BMP6: variants seen among roughly 807,000 people sequenced by gnomAD.
The protein encoded by BMP6 is VG-1-R.
Under a neutral mutation model 54.1 loss-of-function variants are expected in BMP6, and 17 were observed. That is an observed-to-expected ratio of 0.31 (90% CI 0.22 to 0.47). The LOEUF (loss-of-function observed/expected upper bound fraction) is 0.47. Among genes scored for constraint, BMP6 ranks in the 20% least tolerant of loss-of-function variants. BMP6 has a pLI of 1.00. For synonymous variants in BMP6, 328 were observed against 291.2 expected (o/e 1.13, Z -1.28); for missense variants, 720 against 690.4 (o/e 1.04, Z -0.48).
chr6:7,856,502 T>C (rs551067010), intron 2 of BMP6, among the ~76,000 whole-genome samples: 31 of 151,850 alleles, frequency 2.0e-4, no homozygotes, highest in African/African-American at 7.5e-4. Flanking sequence ...GAATGTGTTA[T>C]GGAGAAATAA....
chr6:7,836,104 C>T (rs1446603728), intron 1 of BMP6, among the ~76,000 whole-genome samples: 1 of 152,134 alleles, frequency 6.6e-6, no homozygotes, highest in Admixed American at 6.5e-5. Context: ...TCCCAAAGTG[C>T]TGGAATTACC....
At chr6:7,793,525 G>A (rs1174894597) in intron 1 of BMP6, among the ~76,000 whole-genome samples, 1 of 151,934 alleles carries the variant, frequency 6.6e-6, no homozygotes, top group Non-Finnish European at 1.5e-5. Flanking sequence ...GTGGACCTTG[G>A]GTGATAATGA....
rs1345392071 is a variant in BMP6, at chr6:7,726,803, T to G, written c.-153T>G. The G allele has an allele frequency of 2.1e-4, 64 of 308,754 alleles. No individual in the cohort carries two copies. The highest frequency in any genetic ancestry group is 2.7e-4 in the South Asian group (2 of 7,492). The allele number at this position is 308,754 out of a possible 1,614,324, so 19.1% of individuals were successfully genotyped here. On this transcript the variant is annotated 5_prime_UTR_variant, in exon 1 of 7. An upstream start codon of the reference 5' UTR is lost. Coordinates refer to ENST00000283147, the MANE Select transcript of BMP6 (RefSeq NM_001718.6). ...CAACTGGGGGCGCCCCGGACGACCA[T>G]GAGAGATAAGGACTGAGGGCCAGGA...
chr6:7,860,264 A>G (rs900593155), intron 2 of BMP6, among the ~76,000 whole-genome samples: 1 of 152,230 alleles, frequency 6.6e-6, no homozygotes, highest in Non-Finnish European at 1.5e-5. Context: ...TAACTTATGT[A>G]AATGTATGCT....
intron 1 of BMP6, among the ~76,000 whole-genome samples, chr6:7,793,367 G>A (rs1166973909): frequency 6.6e-6 from 1 of 152,172 alleles, no homozygotes; most frequent in Non-Finnish European, 1.5e-5. Flanking sequence ...CCAAGGGTTT[G>A]GGGGAAGGAG....
chr6:7,878,735 C>T (rs1759662200), intron 4 of BMP6, among the ~76,000 whole-genome samples: 1 of 152,242 alleles, frequency 6.6e-6, no homozygotes, highest in South Asian at 2.1e-4. Context: ...AATGTGATGC[C>T]TTCCCGGTCT....
chr6:7,785,126 C>T (rs1758002815), intron 1 of BMP6, among the ~76,000 whole-genome samples: 1 of 152,196 alleles, frequency 6.6e-6, no homozygotes, highest in Admixed American at 6.5e-5. Context: ...TATGGTAGTA[C>T]ACCAGATAGC....
intron 1 of BMP6, among the ~76,000 whole-genome samples, chr6:7,817,994 T>A (rs1281673933): frequency 6.6e-6 from 1 of 152,182 alleles, no homozygotes; most frequent in Non-Finnish European, 1.5e-5. Context: ...TTAGATCAGG[T>A]CACACATTTT....
At chr6:7,852,958 C>T (rs531347342) in intron 2 of BMP6, among the ~76,000 whole-genome samples, 171 of 152,254 alleles carry the variant, frequency 1.1e-3, no homozygotes, top group African/African-American at 4.0e-3. Context: ...GGGACTTTAG[C>T]TCTTCTCACG....
chr6:7,849,286 C>G (rs1759109575), intron 2 of BMP6, among the ~76,000 whole-genome samples: 1 of 152,142 alleles, frequency 6.6e-6, no homozygotes, highest in African/African-American at 2.4e-5. Flanking sequence ...TACAGAAAAC[C>G]TTTGCAAAAC....
chr6:7,733,019 C>T (rs1211511807), intron 1 of BMP6, among the ~76,000 whole-genome samples: 3 of 152,084 alleles, frequency 2.0e-5, no homozygotes, highest in Non-Finnish European at 2.9e-5. Context: ...CTGTGTCAGC[C>T]TCCAGAGTAG....
At chr6:7,746,051 G>A (rs1046769557) in intron 1 of BMP6, among the ~76,000 whole-genome samples, 3 of 152,174 alleles carry the variant, frequency 2.0e-5, no homozygotes, top group Admixed American at 6.5e-5. Flanking sequence ...CAGGCTGAGC[G>A]TGGAAAGAGA....
chr6:7,726,566 C>T lies in BMP6; in HGVS notation c.-390C>T, dbSNP rs760430391. 5.9e-5 allele frequency among the ~76,000 whole-genome samples: 9 copies of T among 152,134 alleles called. No individual in the cohort carries two copies. Among genetic ancestry groups the T allele is most frequent in the Non-Finnish European group, 1.2e-4 (8 of 68,022 alleles). On this transcript the variant is annotated 5_prime_UTR_variant, in exon 1 of 7. Coordinates refer to ENST00000283147, the MANE Select transcript of BMP6 (RefSeq NM_001718.6). ...TCCCACTCAGTCGCCAGGGAGAGCG[C>T]GGGGCAGCGCACGTGTGCGGCCAGC...
At chr6:7,831,613 T>G (rs1328357565) in intron 1 of BMP6, among the ~76,000 whole-genome samples, 1 of 152,218 alleles carries the variant, frequency 6.6e-6, no homozygotes, top group African/African-American at 2.4e-5. Context: ...TTTGAGTAGA[T>G]TAATTTCCTT....
Position 7,866,275 on chromosome 6 carries a change from G to T in BMP6, c.1204+3777G>T, listed in dbSNP as rs564600959. Reference sequence around the variant, plus strand: ...TGTTTGACTAGTCCTGGTCCTAGCCGTCTTTGCCCCATTGGGGATTTTAAC... The same window carrying T: ...TGTTTGACTAGTCCTGGTCCTAGCCTTCTTTGCCCCATTGGGGATTTTAAC... On this transcript the variant is annotated intron_variant, in intron 4 of 6. Transcript: ENST00000283147. Among the ~76,000 whole-genome samples the T allele has an allele frequency of 2.3e-4, 35 of 152,314 alleles. No individual in the cohort carries two copies. The South Asian group carries it at 5.4e-3, about 23-fold the overall frequency.
At chr6:7,758,299 T>C (rs1757557022) in intron 1 of BMP6, among the ~76,000 whole-genome samples, 1 of 152,168 alleles carries the variant, frequency 6.6e-6, no homozygotes, top group African/African-American at 2.4e-5. Flanking sequence ...AGACAAGTGA[T>C]CTCCCAGCTA....
intron 1 of BMP6, among the ~76,000 whole-genome samples, chr6:7,803,693 C>A (rs1258007615): frequency 1.3e-5 from 2 of 152,136 alleles, no homozygotes; most frequent in Admixed American, 1.3e-4. Flanking sequence ...TCTGCCAGCC[C>A]TTTGTAACTT....
At chr6:7,768,501 C>T (rs910283003) in intron 1 of BMP6, among the ~76,000 whole-genome samples, 1 of 152,188 alleles carries the variant, frequency 6.6e-6, no homozygotes, top group Admixed American at 6.5e-5. Context: ...GGTCTCTTTG[C>T]TTCTATGTCC....
chr6:7,748,339 T>C (rs1417758457), intron 1 of BMP6, among the ~76,000 whole-genome samples: 1 of 152,148 alleles, frequency 6.6e-6, no homozygotes, highest in Non-Finnish European at 1.5e-5. Context: ...TTATTAGAGT[T>C]GTTTGCAATA....
Sources: gnomAD v4.1 joint callset for allele counts (sites outside exome capture counted in the v4.1 genomes callset) on GRCh38, gnomAD v4.1.1 for gene constraint, MANE v1.5 for transcripts, NCBI Gene and HGNC (gene_info 2026-07-23, HGNC 2026-07-21) for gene names.